TNFRSF8: variants seen among roughly 807,000 people sequenced by gnomAD.
TNFRSF8 encodes TNF receptor superfamily member 8.
In TNFRSF8, 26 loss-of-function variants were observed where a neutral mutation model predicts 70.8. The ratio of observed to expected loss-of-function variants is 0.37; its 90% confidence interval spans 0.27 to 0.51. The LOEUF (loss-of-function observed/expected upper bound fraction) is 0.51, where lower values mean the gene tolerates loss of function less well. TNFRSF8 is among the 20% of genes least tolerant of loss of function. TNFRSF8 has a pLI of 0.94. For synonymous variants in TNFRSF8, 356 were observed against 339.2 expected (o/e 1.05, Z -0.54); for missense variants, 720 against 807.9 (o/e 0.89, Z 1.32).
chr1:12,105,483 C>G (rs1194626054), intron 4 of TNFRSF8, among the ~76,000 whole-genome samples: 1 of 151,994 alleles, frequency 6.6e-6, no homozygotes, highest in East Asian at 1.9e-4. Flanking sequence ...GCCCCCATGG[C>G]AGACAGCCAG....
intron 8 of TNFRSF8, among the ~76,000 whole-genome samples, chr1:12,120,549 G>A (rs1641810820): frequency 6.6e-6 from 1 of 152,222 alleles, no homozygotes; most frequent in Non-Finnish European, 1.5e-5. Flanking sequence ...TTAAGCGATT[G>A]CTGGATGTAC....
rs115193848 is a variant in TNFRSF8 at position 12,072,362 on chromosome 1, G to A, written c.63+8701G>A. Reference sequence around the variant, plus strand: ...GTGGGAAGGGGAATACAGAAGAGAGGGTGGCCAGTACTGCGTAGGGGACTG... The same window carrying A: ...GTGGGAAGGGGAATACAGAAGAGAGAGTGGCCAGTACTGCGTAGGGGACTG... On this transcript the variant is annotated intron_variant, in intron 1 of 14. Coordinates refer to ENST00000263932, the MANE Select transcript of TNFRSF8 (RefSeq NM_001243.5). Among the ~76,000 whole-genome samples the A allele has an allele frequency of 5.3e-3, 807 of 152,244 alleles. 8 individuals are homozygous for A. Among genetic ancestry groups the A allele is most frequent in the African/African-American group, 0.018 (764 of 41,558 alleles).
Position 12,143,825 on chromosome 1 carries a change from G to T in TNFRSF8, c.*1294G>T, listed in dbSNP as rs529036056. On this transcript the variant is annotated 3_prime_UTR_variant, in exon 15 of 15. Coordinates refer to ENST00000263932, the MANE Select transcript of TNFRSF8 (RefSeq NM_001243.5). This position sits in a 1 kb window ranked among gnomAD's most constrained non-coding sequence, Gnocchi z 4.1. ...GCCTGGAGGCAGGCCCGGGAAGGCT[G>T]CTGTTTACTCATCGGGCAGCCACGT... The T allele has an allele frequency of 6.6e-6, 1 of 152,360 alleles. No individual in the cohort carries two copies. The highest frequency in any genetic ancestry group is 1.5e-5 in the Non-Finnish European group (1 of 68,042). 9.4% of individuals were successfully genotyped at this position (152,360 alleles called of 1,614,324 possible).
At chr1:12,135,666 C>A in intron 13 of TNFRSF8, 53 bp downstream of exon 13, 1 of 1,607,032 alleles carries the variant, frequency 6.2e-7, no homozygotes, top group Non-Finnish European at 8.5e-7. Flanking sequence ...AAATCTGACT[C>A]CTTCCCTAAC....
chr1:12,133,047 T>A (rs1642077716), intron 12 of TNFRSF8, among the ~76,000 whole-genome samples: 1 of 152,122 alleles, frequency 6.6e-6, no homozygotes, highest in African/African-American at 2.4e-5. Flanking sequence ...CTAAGCGGCC[T>A]CATTGTTTTT....
Position 12,142,273 on chromosome 1 carries a change from C to A in TNFRSF8, c.1544-14C>A. 4.4e-6 allele frequency: 7 copies of A among 1,574,934 alleles called. No homozygotes were observed. The highest frequency in any genetic ancestry group is 6.0e-6 in the Non-Finnish European group (7 of 1,157,524). ...CTCTGGCCTCCCTCGCTCACCCATC[C>A]TTTTGCCTTGCAGAGAAAATCTACA... On this transcript the variant is annotated splice_polypyrimidine_tract_variant and intron_variant, in intron 14 of 14. Transcript: ENST00000263932. The surrounding 1 kb of genome is among the most constrained non-coding windows in gnomAD (Gnocchi z 5.0).
At chr1:12,072,557 C>T (rs1254622689) in intron 1 of TNFRSF8, among the ~76,000 whole-genome samples, 5 of 152,186 alleles carry the variant, frequency 3.3e-5, no homozygotes, top group African/African-American at 4.8e-5. Context: ...AGAGGTTAAA[C>T]AGCACATCAG....
At chr1:12,103,679 GC>G (rs1328281366) in intron 3 of TNFRSF8, among the ~76,000 whole-genome samples, 1 of 151,892 alleles carries the variant, frequency 6.6e-6, no homozygotes, top group East Asian at 1.9e-4. Context: ...TCACCATGTT[GC>G]CCATGTTTTA....
rs768602680 is a variant in TNFRSF8, at chr1:12,136,069, CT to C, written c.1335+469del. 3.0e-3 allele frequency among the ~76,000 whole-genome samples: 434 copies of C among 146,084 alleles called. 1 individual carries two copies. The highest frequency in any genetic ancestry group is 6.6e-3 in the African/African-American group (265 of 40,140). Reference sequence around the variant, plus strand: ...CAGAGCAGGTGGCTATGGTCCATTCCTTTTTTTTTTTTTCCCCATCTGTCAG... The same window carrying C: ...CAGAGCAGGTGGCTATGGTCCATTCCTTTTTTTTTTTTCCCCATCTGTCAG... On this transcript the variant is annotated intron_variant, in intron 13 of 14. Coordinates refer to ENST00000263932, the MANE Select transcript of TNFRSF8 (RefSeq NM_001243.5).
At chr1:12,068,873 T>G (rs1640787017) in intron 1 of TNFRSF8, among the ~76,000 whole-genome samples, 2 of 150,434 alleles carry the variant, frequency 1.3e-5, no homozygotes, top group South Asian at 4.3e-4. Context: ...TTTCTTTTTC[T>G]TTCTTTTTTT....
chr1:12,081,458 C>T (rs536070265), intron 1 of TNFRSF8, among the ~76,000 whole-genome samples: 7 of 152,034 alleles, frequency 4.6e-5, no homozygotes, highest in South Asian at 4.2e-4. Context: ...TTCCTGCCCC[C>T]CTGGAGAGGC....
At chr1:12,104,822 A>G (rs1641491653) in intron 4 of TNFRSF8, among the ~76,000 whole-genome samples, 1 of 152,154 alleles carries the variant, frequency 6.6e-6, no homozygotes, top group African/African-American at 2.4e-5. Context: ...CTGATGCCCC[A>G]TAAACAAGAA....
chr1:12,096,508 A>C (rs1397576352), intron 2 of TNFRSF8, among the ~76,000 whole-genome samples: 2 of 151,788 alleles, frequency 1.3e-5, no homozygotes, highest in African/African-American at 4.8e-5. Context: ...GGCCTCATTC[A>C]GAGCTGTCCT....
chr1:12,142,707 A>G lies in TNFRSF8; in HGVS notation c.*176A>G, dbSNP rs1017558624. 20 of 820,708 alleles carry G rather than the reference A, an allele frequency of 2.4e-5. No individual in the cohort carries two copies. The Admixed American group carries it at 3.0e-4, about 12-fold the overall frequency. The allele number at this position is 820,708 out of a possible 1,614,324, so 50.8% of individuals were successfully genotyped here. A position where few individuals can be genotyped will look rare whatever the true frequency, so the allele number is the denominator to read the frequency against. ...TCTGGTGGTCTCTGCTTGCATCCCC[A>G]ACTTAGCTGTCCCCTGACCCAGAGC... On this transcript the variant is annotated 3_prime_UTR_variant, in exon 15 of 15. Transcript: ENST00000263932. The surrounding 1 kb of genome is among the most constrained non-coding windows in gnomAD (Gnocchi z 5.0).
At chr1:12,093,715 AT>A (rs1461197065) in intron 2 of TNFRSF8, among the ~76,000 whole-genome samples, 1 of 152,026 alleles carries the variant, frequency 6.6e-6, no homozygotes, top group African/African-American at 2.4e-5. Context: ...TAATTTTTGC[AT>A]TTTCAGTAGA....
chr1:12,107,040 C>T (rs1032728004), intron 4 of TNFRSF8, among the ~76,000 whole-genome samples: 5 of 152,226 alleles, frequency 3.3e-5, no homozygotes, highest in Non-Finnish European at 7.3e-5. Context: ...CCTTTGCTGC[C>T]CCTGGACCCC....
In TNFRSF8 at chr1:12,110,312, C is replaced by A; in HGVS notation, c.676+108C>A. ...GCGGGCAGTGATCTGTGGTCTTTTC[C>A]TGGTGGGGAGAGAAGACGGTGGTAA... is the stretch of plus-strand genomic sequence containing the variant. On this transcript the variant is annotated intron_variant, in intron 6 of 14. Coordinates refer to ENST00000263932, the MANE Select transcript of TNFRSF8 (RefSeq NM_001243.5). This position sits in a 1 kb window ranked among gnomAD's most constrained non-coding sequence, Gnocchi z 4.0. 2 of 1,189,118 alleles carry A rather than the reference C, an allele frequency of 1.7e-6. No individual in the cohort carries two copies. Among genetic ancestry groups the A allele is most frequent in the Non-Finnish European group, 1.1e-6 (1 of 874,174 alleles). The allele number at this position is 1,189,118 out of a possible 1,614,324, so 73.7% of individuals were successfully genotyped here.
chr1:12,098,376 A>G (rs1439484656), intron 3 of TNFRSF8, among the ~76,000 whole-genome samples: 1 of 152,228 alleles, frequency 6.6e-6, no homozygotes, highest in Non-Finnish European at 1.5e-5. Flanking sequence ...CAATACAAAG[A>G]GTGTAAGGAA....
rs1302242461 is a variant in TNFRSF8, at chr1:12,109,944, C to T, written c.513-97C>T. On this transcript the variant is annotated intron_variant, in intron 5 of 14. Coordinates refer to ENST00000263932, the MANE Select transcript of TNFRSF8 (RefSeq NM_001243.5). The surrounding 1 kb of genome is among the most constrained non-coding windows in gnomAD (Gnocchi z 4.4). Reference sequence around the variant, plus strand: ...CCGCCAGAGGCAGTGGGCCAAGGGCCTGGGACCCCATCTCTGTGGAAACTG... The same window carrying T: ...CCGCCAGAGGCAGTGGGCCAAGGGCTTGGGACCCCATCTCTGTGGAAACTG... 1.4e-6 allele frequency: 2 copies of T among 1,460,230 alleles called. No individual in the cohort carries two copies. Among genetic ancestry groups the T allele is most frequent in the Admixed American group, 4.0e-5 (2 of 50,394 alleles). The allele number at this position is 1,460,230 out of a possible 1,614,324, so 90.5% of individuals were successfully genotyped here. A position where few individuals can be genotyped will look rare whatever the true frequency, so the allele number is the denominator to read the frequency against.
Sources: gnomAD v4.1 joint callset for allele counts (sites outside exome capture counted in the v4.1 genomes callset) on GRCh38, gnomAD v4.1.1 for gene constraint, Gnocchi (gnomAD v3.1) non-coding constraint, MANE v1.5 for transcripts, NCBI Gene and HGNC (gene_info 2026-07-23, HGNC 2026-07-21) for gene names.